DMD: variants seen among roughly 807,000 people sequenced by gnomAD.
DMD encodes the protein dystrophin.
A neutral mutation model predicts 330.1 loss-of-function variants in DMD; 63 were observed. The ratio of observed to expected loss-of-function variants is 0.19; its 90% CI spans 0.16 to 0.24. The LOEUF is 0.24. Ranked by LOEUF, DMD falls within the 10% of genes least tolerant of loss-of-function variation. The pLI, the probability that DMD is intolerant of heterozygous loss-of-function variation, is 1.00. For missense variants in DMD, 3,344 were observed against 2,684.1 expected (o/e 1.25, Z -5.43); for synonymous variants, 1,223 against 959.8 (o/e 1.27, Z -5.07).
At chrX:31,517,495 G>A (rs1014121557) in intron 55 of DMD, among the ~76,000 whole-genome samples, 1 of 111,919 alleles carries the variant, frequency 8.9e-6, no homozygotes, top group Admixed American at 9.5e-5. Flanking sequence ...ATGCCGCCTG[G>A]AGATTTTTAT....
At chrX:32,303,406 A>T (rs1385922903) in intron 42 of DMD, among the ~76,000 whole-genome samples, 4 of 110,510 alleles carry the variant, frequency 3.6e-5, no homozygotes, top group African/African-American at 1.3e-4. Context: ...CAAGATACTA[A>T]TTTTTCTTCC....
At chrX:32,346,272 C>T (rs1333156866) in intron 38 of DMD, among the ~76,000 whole-genome samples, 192 bp from the exon 39 acceptor site, 1 of 111,470 alleles carries the variant, frequency 9.0e-6, no homozygotes, top group Non-Finnish European at 1.9e-5. Context: ...AAATAAGTTT[C>T]CTCCCATCTA....
At chrX:32,357,130 C>CT (rs1051020063) in intron 37 of DMD, among the ~76,000 whole-genome samples, 1 of 111,838 alleles carries the variant, frequency 8.9e-6, no homozygotes, top group African/African-American at 3.3e-5. Context: ...GTCAGGTGAT[C>CT]TGCCTGCAGC....
chrX:31,774,707 G>A (rs1017330908), intron 50 of DMD, among the ~76,000 whole-genome samples: 4 of 111,462 alleles, frequency 3.6e-5, no homozygotes, highest in South Asian at 3.7e-4. Context: ...CCAATGAAAC[G>A]TTCTTGTCTT....
intron 44 of DMD, among the ~76,000 whole-genome samples, chrX:32,168,445 GACCC>G (rs2096875767): frequency 9.4e-6 from 1 of 106,640 alleles, no homozygotes; most frequent in East Asian, 3.0e-4. Context: ...TGTTAAGAAT[GACCC>G]ATCTTCCCTT....
At chrX:31,727,531 G>A (rs2086152251) in intron 52 of DMD, among the ~76,000 whole-genome samples, 3 of 112,085 alleles carry the variant, frequency 2.7e-5, no homozygotes, top group South Asian at 7.4e-4. Flanking sequence ...AAATTTTCAT[G>A]AGTAATACTC....
intron 47 of DMD, among the ~76,000 whole-genome samples, chrX:31,888,054 C>T (rs1338562607): frequency 9.0e-6 from 1 of 111,716 alleles, no homozygotes; most frequent in African/African-American, 3.3e-5. Flanking sequence ...TTCACTAGCA[C>T]AGTCAGAACA....
intron 63 of DMD, among the ~76,000 whole-genome samples, chrX:31,242,929 C>T (rs985639507): frequency 1.8e-5 from 2 of 111,299 alleles, no homozygotes; most frequent in Non-Finnish European, 3.8e-5. Context: ...GTTCCACCAC[C>T]GGCCACAAGT....
chrX:31,346,978 G>A (rs1449008290), intron 61 of DMD, among the ~76,000 whole-genome samples: 15 of 77,875 alleles, frequency 1.9e-4, no homozygotes, highest in Non-Finnish European at 3.2e-4. Flanking sequence ...TCACAGCCTG[G>A]GTGACAGAAT....
At chrX:32,429,230 G>T (rs1603633263) in intron 29 of DMD, among the ~76,000 whole-genome samples, 1 of 67,252 alleles carries the variant, frequency 1.5e-5, no homozygotes, top group Admixed American at 1.8e-4. Context: ...TTTTTTTTGA[G>T]GCAGAGTTTT....
At chrX:32,511,447 G>A (rs774338240) in intron 18 of DMD, among the ~76,000 whole-genome samples, 6 of 102,949 alleles carry the variant, frequency 5.8e-5, no homozygotes, top group East Asian at 3.1e-4. Context: ...GCTTGAACCC[G>A]GGAGACAGAA....
In DMD at chrX:33,170,797, T is replaced by A. The variant is rs377649926; in HGVS notation, c.31+40485A>T. On this transcript the variant is annotated intron_variant, in intron 1 of 78. Coordinates refer to ENST00000357033, the MANE Select transcript of DMD (RefSeq NM_004006.3). ...ACAGAAGTAGACAATATGGATGTGA[T>A]TTCTGTAAGAAAGAGAAAAATAATC... Among the ~76,000 whole-genome samples, 39 of 111,828 alleles carry A rather than the reference T, an allele frequency of 3.5e-4. 1 individual carries two copies. In the South Asian group the frequency reaches 5.6e-3, roughly 16 times the overall value.
At chrX:32,844,660 A>G in intron 4 of DMD, 123 bp downstream of exon 4, 1 of 592,699 alleles carries the variant, frequency 1.7e-6, no homozygotes, top group Admixed American at 2.6e-5. Context: ...TGCTCTCAGT[A>G]AGAACTGGTC....
At chrX:31,917,325 C>T (rs766100042) in intron 47 of DMD, among the ~76,000 whole-genome samples, 3 of 112,064 alleles carry the variant, frequency 2.7e-5, no homozygotes, top group Non-Finnish European at 5.6e-5. Flanking sequence ...AATTGATAAA[C>T]AAGAATTAAG....
chrX:32,657,257 G>C (rs1031412869), intron 9 of DMD, among the ~76,000 whole-genome samples: 6 of 111,209 alleles, frequency 5.4e-5, no homozygotes, highest in African/African-American at 2.0e-4. Flanking sequence ...TAAATCAATG[G>C]AAGGTCAGAG....
chrX:32,696,468 G>T (rs1463074565), intron 9 of DMD, among the ~76,000 whole-genome samples: 2 of 111,615 alleles, frequency 1.8e-5, no homozygotes, highest in African/African-American at 3.3e-5. Flanking sequence ...TGAATTTGTT[G>T]AATTATCTGT....
chrX:32,798,218 T>C (rs2076313298), intron 7 of DMD, among the ~76,000 whole-genome samples: 1 of 112,241 alleles, frequency 8.9e-6, no homozygotes, highest in South Asian at 3.6e-4. Flanking sequence ...TAGGTGAATT[T>C]GGGACAGTTA....
rs188474319 is a variant in DMD, at chrX:32,181,275, A to T, written c.6438+35641T>A. On this transcript the variant is annotated intron_variant, in intron 44 of 78. Transcript: ENST00000357033. ...AGAAACATGGCCAAGCAATACTGCTATCTGACGAGGAAGCTGTTGTTCTTT... is the reference window on the plus strand; with the variant it reads ...AGAAACATGGCCAAGCAATACTGCTTTCTGACGAGGAAGCTGTTGTTCTTT... 4.0e-3 allele frequency among the ~76,000 whole-genome samples: 450 copies of T among 111,851 alleles called. 4 individuals are homozygous for T. Among genetic ancestry groups the T allele is most frequent in the African/African-American group, 0.014 (434 of 30,786 alleles).
chrX:31,719,534 T>C (rs1451538613), intron 52 of DMD, among the ~76,000 whole-genome samples: 2 of 111,730 alleles, frequency 1.8e-5, no homozygotes, highest in African/African-American at 6.5e-5. Flanking sequence ...CCCGGAGCTA[T>C]AAAGTTTTGG....
Sources: allele counts gnomAD v4.1 joint callset (sites outside exome capture counted in the v4.1 genomes callset), GRCh38; gene constraint gnomAD v4.1.1; transcripts MANE v1.5; gene names NCBI Gene and HGNC (gene_info 2026-07-23, HGNC 2026-07-21).